The following LUZP2 variants were observed in gnomAD, a reference collection of about 807,000 sequenced individuals.
The protein encoded by LUZP2 is leucine zipper protein 2.
In LUZP2, 52 loss-of-function variants were observed where a neutral mutation model predicts 51.6. The ratio of observed to expected loss-of-function variants is 1.01; its 90% CI spans 0.81 to 1.27. The LOEUF (loss-of-function observed/expected upper bound fraction) is 1.27. LUZP2 is among the 50% of genes most tolerant of loss of function. The pLI, the probability that LUZP2 is intolerant of heterozygous loss-of-function variation, is 0.00. For synonymous variants in LUZP2, 154 were observed against 137.3 expected, an observed-to-expected ratio of 1.12 and a Z score of -0.85; for missense variants, 436 against 395.4, an observed-to-expected ratio of 1.10 and a Z score of -0.87.
At chr11:24,584,392 G>A (rs1852985695) in intron 1 of LUZP2, among the ~76,000 whole-genome samples, 1 of 152,028 alleles carries the variant, frequency 6.6e-6, no homozygotes, top group African/African-American at 2.4e-5. Flanking sequence ...ATTTAATTAT[G>A]AGTTCTTGTG....
At chr11:24,521,025 G>A (rs1185705626) in intron 1 of LUZP2, among the ~76,000 whole-genome samples, 1 of 152,186 alleles carries the variant, frequency 6.6e-6, no homozygotes, top group Non-Finnish European at 1.5e-5. Context: ...TTCTGTGAAT[G>A]GGTGTTGCCA....
At chr11:24,929,818 A>G in intron 7 of LUZP2, among the ~76,000 whole-genome samples, 1 of 152,090 alleles carries the variant, frequency 6.6e-6, no homozygotes. Context: ...TCAGTGGGGT[A>G]CTGAAGTGTT....
At chr11:24,509,093 T>C (rs993611916) in intron 1 of LUZP2, among the ~76,000 whole-genome samples, 4 of 152,108 alleles carry the variant, frequency 2.6e-5, no homozygotes, top group Non-Finnish European at 4.4e-5. Flanking sequence ...GTGCGATGAG[T>C]GAGGGTTCAG....
intron 1 of LUZP2, among the ~76,000 whole-genome samples, chr11:24,689,612 G>GCC (rs1857005841): frequency 6.6e-6 from 1 of 152,096 alleles, no homozygotes; most frequent in Non-Finnish European, 1.5e-5. Context: ...ACATTCCTGA[G>GCC]ACTGGGTGGG....
At chr11:24,783,628 C>T (rs1227385997) in intron 5 of LUZP2, among the ~76,000 whole-genome samples, 3 of 151,908 alleles carry the variant, frequency 2.0e-5, no homozygotes, top group Non-Finnish European at 4.4e-5. Context: ...CAACCTTCAA[C>T]TTCTGTGGAG....
At chr11:24,633,108 T>G (rs16912971) in intron 1 of LUZP2, among the ~76,000 whole-genome samples, 30,417 of 151,904 alleles carry the variant, frequency 0.2, 3,269 homozygotes, top group Middle Eastern at 0.28. Flanking sequence ...ATTTTCTTGT[T>G]GCCTTCATGA....
chr11:24,808,575 G>A (rs896994163), intron 5 of LUZP2, among the ~76,000 whole-genome samples: 2 of 152,018 alleles, frequency 1.3e-5, no homozygotes, highest in African/African-American at 2.4e-5. Context: ...TTTATACTTT[G>A]ATTTATTTAA....
intron 7 of LUZP2, among the ~76,000 whole-genome samples, chr11:24,951,718 T>C (rs897759031): frequency 6.6e-6 from 1 of 151,578 alleles, no homozygotes; most frequent in African/African-American, 2.4e-5. Flanking sequence ...AGTTGTACAA[T>C]TTGGGAGGTA....
At chr11:24,577,203 T>G (rs1852680086) in intron 1 of LUZP2, among the ~76,000 whole-genome samples, 2 of 152,132 alleles carry the variant, frequency 1.3e-5, no homozygotes, top group South Asian at 4.1e-4. Context: ...TTCAGAGTTT[T>G]ATACAAATTA....
rs1851759744 is a variant in LUZP2 at position 24,862,104 on chromosome 11, C to T, written c.397-43887C>T. Among the ~76,000 whole-genome samples, 3 of 152,026 alleles carry T rather than the reference C, an allele frequency of 2.0e-5. No individual in the cohort carries two copies. In the South Asian group the frequency reaches 6.2e-4, roughly 32 times the overall value. ...ATCTCCTACACATAATCATCAGATT[C>T]TCCAAGGTCAAAATGAAGGAAAAGC... On this transcript the variant is annotated intron_variant, in intron 5 of 11. Coordinates refer to ENST00000336930, the MANE Select transcript of LUZP2 (RefSeq NM_001009909.4).
intron 9 of LUZP2, among the ~76,000 whole-genome samples, chr11:25,045,339 C>T (rs1858272837): frequency 6.7e-6 from 1 of 148,912 alleles, no homozygotes; most frequent in Admixed American, 6.7e-5. Context: ...TAGATGAGCA[C>T]AAGGACAGCC....
intron 8 of LUZP2, among the ~76,000 whole-genome samples, chr11:24,981,744 T>C (rs1856037688): frequency 6.6e-6 from 1 of 151,816 alleles, no homozygotes; most frequent in Non-Finnish European, 1.5e-5. Context: ...AGAATCTACA[T>C]TGCTATGGCA....
chr11:25,016,748 T>C lies in LUZP2; in HGVS notation c.766-33290T>C, dbSNP rs554611966. On this transcript the variant is annotated intron_variant, in intron 9 of 11. Transcript: ENST00000336930. The stretch of plus-strand genomic sequence containing the variant: ...TGCTATAAACGTACATATGCATGTG[T>C]CTTTTTCATATGATGACTTTTTTTT... Among the ~76,000 whole-genome samples the C allele has an allele frequency of 2.6e-5, 4 of 152,304 alleles. 1 individual carries two copies. In the South Asian group the frequency reaches 8.3e-4, roughly 32 times the overall value.
At chr11:24,897,378 C>A (rs1037421470) in intron 5 of LUZP2, among the ~76,000 whole-genome samples, 1 of 152,186 alleles carries the variant, frequency 6.6e-6, no homozygotes, top group African/African-American at 2.4e-5. Context: ...TCTGCTCTTT[C>A]TTTGGGTCTG....
rs536760497 is a variant in LUZP2 at position 24,658,041 on chromosome 11, A to C, written c.63-71128A>C. 3.2e-3 allele frequency among the ~76,000 whole-genome samples: 481 copies of C among 152,284 alleles called. 2 individuals are homozygous for C. The highest frequency in any genetic ancestry group is 0.011 in the African/African-American group (448 of 41,558). ...TTCAATGCCATCTCCATCAAGCTAC[A>C]AATGACTTTCTTCACAGAATTGGAA... On this transcript the variant is annotated intron_variant, in intron 1 of 11. Transcript: ENST00000336930.
intron 1 of LUZP2, among the ~76,000 whole-genome samples, chr11:24,647,933 G>T (rs1360082081): frequency 2.6e-5 from 4 of 151,734 alleles, no homozygotes; most frequent in African/African-American, 9.7e-5. Flanking sequence ...GAAATAAGGT[G>T]CCTGGATGAA....
chr11:24,585,392 C>T (rs917601539), intron 1 of LUZP2, among the ~76,000 whole-genome samples: 3 of 152,120 alleles, frequency 2.0e-5, no homozygotes, highest in Non-Finnish European at 2.9e-5. Flanking sequence ...AATCAGTAGC[C>T]AGTGTCAAGT....
intron 1 of LUZP2, among the ~76,000 whole-genome samples, chr11:24,530,285 T>A (rs1187566919): frequency 6.6e-6 from 1 of 150,932 alleles, no homozygotes; most frequent in Non-Finnish European, 1.5e-5. Flanking sequence ...AGTATTGGCA[T>A]ATTTGACTTG....
At chr11:25,007,773 C>G (rs1856872973) in intron 9 of LUZP2, among the ~76,000 whole-genome samples, 1 of 152,056 alleles carries the variant, frequency 6.6e-6, no homozygotes, top group Non-Finnish European at 1.5e-5. Context: ...CTATTATATA[C>G]ATATGTATCT....
Sources: gnomAD v4.1 joint callset for allele counts (sites outside exome capture counted in the v4.1 genomes callset) on GRCh38, gnomAD v4.1.1 for gene constraint, MANE v1.5 for transcripts, NCBI Gene and HGNC (gene_info 2026-07-23, HGNC 2026-07-21) for gene names.